Variants in ZNF746 observed in about 807,000 individuals in gnomAD.
The protein encoded by ZNF746 is zinc finger protein 746.
ZNF746 carries 13 observed loss-of-function variants against 41.0 expected under a neutral mutation model. The ratio of observed to expected loss-of-function variants is 0.32; its 90% CI spans 0.21 to 0.50. ZNF746 has a LOEUF of 0.50. ZNF746 is among the 20% of genes least tolerant of loss of function. The pLI, the probability that ZNF746 is intolerant of heterozygous loss-of-function variation, is 0.98. For missense variants in ZNF746, 811 were observed against 922.9 expected (o/e 0.88, Z 1.57); for synonymous variants, 424 against 396.2 (o/e 1.07, Z -0.83).
chr7:149,474,721 G>C lies in ZNF746; in HGVS notation c.1646C>G (p.Thr549Ser), dbSNP rs776186507. The C allele has an allele frequency of 3.1e-6, 5 of 1,611,620 alleles. No individual in the cohort carries two copies. The highest frequency in any genetic ancestry group is 2.2e-5 in the South Asian group (2 of 90,938). The stretch of plus-strand genomic sequence containing the variant: ...GGTGCAGGGGAAGGGCCGCTCGCCG[G>C]TGTGCAGCATGCGATGGCGGATGAG... ...AHLIRHRMLH[T>S]GERPFPCTEC... The change falls in exon 7 of 7, where the codon ACC becomes AGC. Residue 549 changes from threonine to serine, a missense_variant. Physicochemically the swap from Thr to Ser is moderately conservative, Grantham distance 58 (BLOSUM62 1). Coordinates refer to ENST00000458143, the MANE Select transcript of ZNF746 (RefSeq NM_001394198.1). This position sits in a 1 kb window ranked among gnomAD's most constrained non-coding sequence, Gnocchi z 6.3.
intron 4 of ZNF746, among the ~76,000 whole-genome samples, chr7:149,486,747 AT>A (rs1800636495): frequency 1.3e-5 from 2 of 152,214 alleles, no homozygotes; most frequent in Admixed American, 6.5e-5. Context: ...CAGTTTATGT[AT>A]ACTATAAGAG....
chr7:149,476,313 C>CAAAAAAAAAAAA (rs55888950), intron 6 of ZNF746, among the ~76,000 whole-genome samples: 2 of 63,312 alleles, frequency 3.2e-5, no homozygotes, highest in East Asian at 4.4e-4. Context: ...GACTCCGCCT[C>CAAAAAAAAAAAA]AAAAAAAAAA....
chr7:149,491,282 G>A (rs1055549586), intron 4 of ZNF746: 5 of 152,936 alleles, frequency 3.3e-5, no homozygotes, highest in Admixed American at 1.3e-4. Context: ...ATCATACGGT[G>A]CAGCTAGAGA....
chr7:149,493,914 A>C, intron 3 of ZNF746, 75 bp downstream of exon 3: 3 of 1,611,246 alleles, frequency 1.9e-6, no homozygotes, highest in Non-Finnish European at 2.5e-6. Context: ...ACTGACATGA[A>C]AACAACTATG....
intron 6 of ZNF746, 99 bp downstream of exon 6, chr7:149,476,823 G>A (rs1428382221): frequency 4.5e-6 from 7 of 1,540,766 alleles, no homozygotes; most frequent in Admixed American, 1.7e-5. Flanking sequence ...CTGTTGGCTG[G>A]AAGGTCAGAG....
At position 149,474,519 on chromosome 7, in the gene ZNF746, T is replaced by C. The variant is rs1334015902; in HGVS notation, c.1848A>G (p.Pro616=). ...AGAKTPARGQ[P]LPTPPAPPDP... is the part of the protein sequence containing the mutation. ...CAGGAGGTGCGGGCGGCGTCGGGAG[T>C]GGCTGGCCTCGGGCCGGGGTCTTGG... The change falls in exon 7 of 7, where the codon CCA becomes CCG. Residue 616 remains proline, a synonymous_variant. Coordinates refer to ENST00000458143, the MANE Select transcript of ZNF746 (RefSeq NM_001394198.1). This position sits in a 1 kb window ranked among gnomAD's most constrained non-coding sequence, Gnocchi z 6.3. 1.9e-6 allele frequency: 3 copies of C among 1,608,024 alleles called. No homozygotes were observed. The highest frequency in any genetic ancestry group is 2.7e-5 in the African/African-American group (2 of 74,726).
chr7:149,481,667 T>A (rs912087903), intron 4 of ZNF746, among the ~76,000 whole-genome samples: 2 of 151,984 alleles, frequency 1.3e-5, no homozygotes, highest in African/African-American at 4.8e-5. Flanking sequence ...AAATAACTTC[T>A]AAAGGAAGAA....
At chr7:149,487,399 G>A (rs1055629034) in intron 4 of ZNF746, among the ~76,000 whole-genome samples, 1 of 152,140 alleles carries the variant, frequency 6.6e-6, no homozygotes, top group Non-Finnish European at 1.5e-5. Context: ...AAAGCCAAAG[G>A]CAAAAATCAT....
In ZNF746 at chr7:149,497,380, C is replaced by G. The variant is rs1252844919; in HGVS notation, c.24+133G>C. On this transcript the variant is annotated intron_variant, in intron 1 of 6. Coordinates refer to ENST00000458143, the MANE Select transcript of ZNF746 (RefSeq NM_001394198.1). The surrounding 1 kb of genome is among the most constrained non-coding windows in gnomAD (Gnocchi z 4.2). ...GCCCCGGCGGACCCCGCGCCCCATT[C>G]GCGGGAGCCCCAGGCCCGGTGGTCC... 1.0e-6 allele frequency: 1 copy of G among 997,494 alleles called. No individual in the cohort carries two copies. Among genetic ancestry groups the G allele is most frequent in the South Asian group, 4.7e-5 (1 of 21,410 alleles). 61.8% of individuals were successfully genotyped at this position (997,494 alleles called of 1,614,324 possible).
At chr7:149,477,506 CCT>C (rs1487414842) in intron 5 of ZNF746, 56 bp downstream of exon 5, 21 of 1,535,284 alleles carry the variant, frequency 1.4e-5, no homozygotes, top group Non-Finnish European at 1.7e-5. Context: ...CGAGCCCTCC[CCT>C]GTCCCTCCTG....
At chr7:149,492,764 C>T (rs1242532511) in intron 4 of ZNF746, 95 bp downstream of exon 4, 16 of 874,200 alleles carry the variant, frequency 1.8e-5, no homozygotes, top group East Asian at 1.1e-4. Flanking sequence ...TGTTTCTCCT[C>T]GACTCTCTCT....
chr7:149,491,842 T>C (rs1460548379), intron 4 of ZNF746: 14 of 700,882 alleles, frequency 2.0e-5, no homozygotes, highest in Non-Finnish European at 2.9e-5. Context: ...CCTAGTCAAA[T>C]GACCCAGCAG....
At chr7:149,496,465 G>A (rs1562995233) in intron 1 of ZNF746, among the ~76,000 whole-genome samples, 2 of 152,194 alleles carry the variant, frequency 1.3e-5, no homozygotes, top group Non-Finnish European at 2.9e-5. Context: ...CCCGCAGGAT[G>A]AAGTCCAGGC....
intron 4 of ZNF746, chr7:149,490,388 T>C (rs529329156): frequency 6.6e-6 from 1 of 152,288 alleles, no homozygotes; most frequent in East Asian, 1.9e-4. Context: ...CCTGGTTCTC[T>C]GCAGCCACGT....
chr7:149,490,463 CAG>C (rs1337443683), intron 4 of ZNF746: 4 of 152,304 alleles, frequency 2.6e-5, no homozygotes, highest in Non-Finnish European at 5.9e-5. Flanking sequence ...ATGAACAAAA[CAG>C]GGGCAAGAGT....
intron 4 of ZNF746, among the ~76,000 whole-genome samples, chr7:149,482,793 A>G (rs1800520374): frequency 6.6e-6 from 1 of 152,238 alleles, no homozygotes; most frequent in African/African-American, 2.4e-5. Flanking sequence ...AGCTTATCAT[A>G]TAGCTTCAAA....
intron 4 of ZNF746, among the ~76,000 whole-genome samples, chr7:149,483,979 T>C (rs1369233601): frequency 2.6e-5 from 4 of 152,126 alleles, no homozygotes; most frequent in African/African-American, 7.2e-5. Flanking sequence ...AATGGACAAA[T>C]TCCTAGGAAA....
In ZNF746 at chr7:149,472,913, TTAAC is replaced by T. The variant is rs1800147348; in HGVS notation, c.*1467_*1470del. The T allele has an allele frequency of 3.3e-5, 5 of 152,622 alleles. No individual in the cohort carries two copies. The highest frequency in any genetic ancestry group is 2.6e-4 in the Admixed American group (4 of 15,280). 9.5% of individuals were successfully genotyped at this position (152,622 alleles called of 1,614,324 possible). On this transcript the variant is annotated 3_prime_UTR_variant, in exon 7 of 7. Coordinates refer to ENST00000458143, the MANE Select transcript of ZNF746 (RefSeq NM_001394198.1). ...TATACAGTACATAGAAACAATTTTC[TTAAC>T]TAGTCTATCGCCTAATAAAAGTATG...
Position 149,474,371 on chromosome 7 carries a change from G to C in ZNF746, c.*13C>G, listed in dbSNP as rs375546838. On this transcript the variant is annotated 3_prime_UTR_variant, in exon 7 of 7. Coordinates refer to ENST00000458143, the MANE Select transcript of ZNF746 (RefSeq NM_001394198.1). The surrounding 1 kb of genome is among the most constrained non-coding windows in gnomAD (Gnocchi z 6.3). ...ACACGTGCGGCCGGCAGGGGCTATGGGGCTGGAGGCGCTCACATGTCCCCG... is the reference window on the plus strand; with the variant it reads ...ACACGTGCGGCCGGCAGGGGCTATGCGGCTGGAGGCGCTCACATGTCCCCG... 1 of 1,596,240 alleles carries C rather than the reference G, an allele frequency of 6.3e-7. No individual in the cohort carries two copies. Among genetic ancestry groups the C allele is most frequent in the Admixed American group, 1.7e-5 (1 of 57,822 alleles).
Sources: gnomAD v4.1 joint callset for allele counts (sites outside exome capture counted in the v4.1 genomes callset) on GRCh38, gnomAD v4.1.1 for gene constraint, Gnocchi (gnomAD v3.1) non-coding constraint, MANE v1.5 for transcripts, NCBI Gene and HGNC (gene_info 2026-07-23, HGNC 2026-07-21) for gene names.